The following CENPW variants were observed in gnomAD, a reference collection of about 807,000 sequenced individuals.
The protein encoded by CENPW is centromere protein W.
CENPW carries 3 observed loss-of-function variants against 11.1 expected under a neutral mutation model. That is an observed-to-expected ratio of 0.27 (90% CI 0.12 to 0.70). The LOEUF is 0.70. Ranked by LOEUF, CENPW falls within the 30% of genes least tolerant of loss-of-function variation. CENPW has a pLI of 0.77. For synonymous variants in CENPW, 38 were observed against 42.0 expected (o/e 0.91, Z 0.37); for missense variants, 100 against 105.6 (o/e 0.95, Z 0.23).
chr6:126,410,787 T>G, the CENPW span, among the ~76,000 whole-genome samples: 74 of 152,124 alleles, frequency 4.9e-4, no homozygotes, highest in South Asian at 0.015. Context: ...TTCACTTGTA[T>G]TTTTCATTTC....
At chr6:126,472,851 A>G in the CENPW span, among the ~76,000 whole-genome samples, 3 of 152,166 alleles carry the variant, frequency 2.0e-5, no homozygotes, top group Middle Eastern at 3.2e-3. Context: ...TAGGGGTACA[A>G]TGTTATCTCT....
At chr6:126,408,274 A>T in the CENPW span, among the ~76,000 whole-genome samples, 1 of 152,178 alleles carries the variant, frequency 6.6e-6, no homozygotes, top group Non-Finnish European at 1.5e-5. Flanking sequence ...AGAAAAAGAG[A>T]TTTAATGGAC....
At chr6:126,471,368 G>C in the CENPW span, among the ~76,000 whole-genome samples, 2 of 152,134 alleles carry the variant, frequency 1.3e-5, no homozygotes, top group East Asian at 3.9e-4. Context: ...ATGATTGTAA[G>C]TTTCTTGAAG....
chr6:126,371,382 C>T, the CENPW span, among the ~76,000 whole-genome samples: 3 of 152,024 alleles, frequency 2.0e-5, no homozygotes, highest in Admixed American at 6.6e-5. Flanking sequence ...TTATGTGTTG[C>T]ATCACATTTA....
At chr6:126,431,606 AAC>A in the CENPW span, among the ~76,000 whole-genome samples, 3 of 152,326 alleles carry the variant, frequency 2.0e-5, no homozygotes, top group South Asian at 6.2e-4. Flanking sequence ...ATGAAATTCT[AAC>A]ACACTACTTG....
chr6:126,444,973 A>G, the CENPW span, among the ~76,000 whole-genome samples: 1 of 151,042 alleles, frequency 6.6e-6, no homozygotes, highest in Admixed American at 6.6e-5. Flanking sequence ...TTTTCCTCCA[A>G]GGCATTTCTT....
chr6:126,428,347 G>A, the CENPW span, among the ~76,000 whole-genome samples: 1 of 152,240 alleles, frequency 6.6e-6, no homozygotes, highest in Admixed American at 6.5e-5. Context: ...CATTTTCAAT[G>A]TATTTTAATG....
In CENPW at chr6:126,348,296, A is replaced by G. The variant is rs375278118; in HGVS notation, c.241-170A>G. ...TGTTTTTAGAGAAATCTAAGACTAT[A>G]AGACAAAAGATTCCCTAATCACCTG... On this transcript the variant is annotated intron_variant, in intron 2 of 2. Coordinates refer to ENST00000368328, the MANE Select transcript of CENPW (RefSeq NM_001012507.4). Among the ~76,000 whole-genome samples the G allele has an allele frequency of 3.0e-4, 46 of 152,162 alleles. No individual in the cohort carries two copies. In the South Asian group the frequency reaches 9.5e-3, roughly 32 times the overall value.
the CENPW span, among the ~76,000 whole-genome samples, chr6:126,442,312 C>T: frequency 5.8e-3 from 873 of 151,124 alleles, 13 homozygotes; most frequent in African/African-American, 0.02. Flanking sequence ...TTGTTTTATT[C>T]TTGCTGATTT....
the CENPW span, among the ~76,000 whole-genome samples, chr6:126,364,192 A>G: frequency 1.3e-4 from 20 of 152,326 alleles, 1 homozygote; most frequent in Middle Eastern, 3.4e-3. Flanking sequence ...ATGCATTGCT[A>G]TCCTACGCCA....
At chr6:126,476,359 A>G in the CENPW span, among the ~76,000 whole-genome samples, 1 of 152,014 alleles carries the variant, frequency 6.6e-6, no homozygotes, top group Non-Finnish European at 1.5e-5. Flanking sequence ...TTTCTACTGA[A>G]AAATTTTTAA....
the CENPW span, among the ~76,000 whole-genome samples, chr6:126,416,384 G>A: frequency 6.6e-6 from 1 of 152,164 alleles, no homozygotes; most frequent in Non-Finnish European, 1.5e-5. Context: ...CAATGTGATA[G>A]AAAAGAAAAT....
chr6:126,376,770 T>G, the CENPW span, among the ~76,000 whole-genome samples: 3 of 152,178 alleles, frequency 2.0e-5, no homozygotes, highest in Non-Finnish European at 4.4e-5. Context: ...TCATAGGATT[T>G]GGCACCAAAA....
chr6:126,379,681 A>G, the CENPW span, among the ~76,000 whole-genome samples: 750 of 152,306 alleles, frequency 4.9e-3, 6 homozygotes, highest in African/African-American at 0.017. Flanking sequence ...CAGTTGTACA[A>G]ATACACTATT....
At chr6:126,366,381 G>T in the CENPW span, among the ~76,000 whole-genome samples, 2 of 152,098 alleles carry the variant, frequency 1.3e-5, no homozygotes, top group African/African-American at 4.8e-5. Flanking sequence ...TTTGTTGTAA[G>T]TTAAACCATT....
the CENPW span, among the ~76,000 whole-genome samples, chr6:126,395,126 C>G: frequency 2.6e-5 from 4 of 152,050 alleles, no homozygotes; most frequent in South Asian, 8.3e-4. Flanking sequence ...AATAAACTTT[C>G]TACTCCCCCT....
the CENPW span, among the ~76,000 whole-genome samples, chr6:126,427,982 C>A: frequency 6.6e-6 from 1 of 152,120 alleles, no homozygotes; most frequent in South Asian, 2.1e-4. Context: ...AAAACTAAAC[C>A]ATACTGGCAT....
At chr6:126,344,703 G>T (rs1020943097) in intron 1 of CENPW, among the ~76,000 whole-genome samples, 1 of 152,090 alleles carries the variant, frequency 6.6e-6, no homozygotes, top group Non-Finnish European at 1.5e-5. Flanking sequence ...TTCATAGATT[G>T]TTCATATTGT....
chr6:126,462,086 G>T, the CENPW span, among the ~76,000 whole-genome samples: 1 of 151,924 alleles, frequency 6.6e-6, no homozygotes, highest in Non-Finnish European at 1.5e-5. Context: ...TGATAGAGTG[G>T]ATTGTTCATA....
Sources: allele counts gnomAD v4.1 joint callset (sites outside exome capture counted in the v4.1 genomes callset), GRCh38; gene constraint gnomAD v4.1.1; transcripts MANE v1.5; gene names NCBI Gene and HGNC (gene_info 2026-07-23, HGNC 2026-07-21).